Variants in RAB5C observed in about 807,000 individuals in gnomAD.
RAB5C encodes the protein ras-related protein Rab-5C.
In RAB5C, 4 loss-of-function variants were observed where a neutral mutation model predicts 25.2. The observed-to-expected ratio is 0.16, with a 90% CI of 0.08 to 0.36. The LOEUF (loss-of-function observed/expected upper bound fraction) is 0.36, where lower values mean the gene tolerates loss of function less well. RAB5C is among the 10% of genes least tolerant of loss of function. The pLI is 1.00. For missense variants in RAB5C, 199 were observed against 283.8 expected (o/e 0.70, Z 2.15); for synonymous variants, 100 against 106.4 (o/e 0.94, Z 0.37).
Position 42,130,573 on chromosome 17 carries a change from G to C in RAB5C, c.-71C>G, listed in dbSNP as rs767789812. 5.0e-6 allele frequency: 8 copies of C among 1,588,784 alleles called. No individual in the cohort carries two copies. The highest frequency in any genetic ancestry group is 3.4e-5 in the Admixed American group (2 of 58,808). The stretch of plus-strand genomic sequence containing the variant: ...GGTGCTATGCAAAGAGGCACTTAGT[G>C]GGGAGGGGGACCTCCAACTGTAAGG... On this transcript the variant is annotated 5_prime_UTR_variant, in exon 2 of 6. Transcript: ENST00000346213.
chr17:42,147,140 AAGAAAG>A (rs1166001950), intron 1 of RAB5C, among the ~76,000 whole-genome samples: 5,326 of 148,916 alleles, frequency 0.036, 347 homozygotes, highest in African/African-American at 0.13. Flanking sequence ...GAAAGAAAGA[AAGAAAG>A]AGAGAGAGAG....
intron 1 of RAB5C, among the ~76,000 whole-genome samples, chr17:42,146,630 T>C (rs2079636592): frequency 6.6e-6 from 1 of 152,124 alleles, no homozygotes; most frequent in Admixed American, 6.5e-5. Flanking sequence ...ACGCCTGTAG[T>C]CCCAGCTACT....
chr17:42,138,571 T>A (rs12603330), intron 1 of RAB5C, among the ~76,000 whole-genome samples: 54,033 of 152,110 alleles, frequency 0.36, 12,947 homozygotes, highest in African/African-American at 0.69. Context: ...TGGGTCCCCT[T>A]CCACAGGGAA....
chr17:42,152,571 G>C (rs1248245945), intron 1 of RAB5C, among the ~76,000 whole-genome samples: 1 of 152,066 alleles, frequency 6.6e-6, no homozygotes, highest in African/African-American at 2.4e-5. Context: ...CTGAGGTCAG[G>C]AGTTCGAGAC....
intron 1 of RAB5C, among the ~76,000 whole-genome samples, chr17:42,131,104 G>A (rs1351051621): frequency 6.6e-6 from 1 of 152,166 alleles, no homozygotes; most frequent in Admixed American, 6.5e-5. Context: ...CTCAGAGAAG[G>A]TGCTTGGCCA....
rs780114908 is a variant in RAB5C at position 42,128,370 on chromosome 17, C to T, written c.332G>A (p.Arg111Gln). The change falls in exon 4 of 6, where the codon CGG becomes CAG. Residue 111 changes from arginine to glutamine, a missense_variant. Around this residue, in one of 3 missense-constraint regions of RAB5C, gnomAD observed 154 missense variants for 199.6 expected, o/e 0.77. Coordinates refer to ENST00000346213, the MANE Select transcript of RAB5C (RefSeq NM_004583.4). Reference protein sequence around the residue: ...YDITNTDTFARAKNWVKELQR... With the variant: ...YDITNTDTFAQAKNWVKELQR... ...TAGCTCCTTCACCCAGTTCTTGGCCCGTGCAAATGTATCCTGAGGAGACAG... is the reference window on the plus strand; with the variant it reads ...TAGCTCCTTCACCCAGTTCTTGGCCTGTGCAAATGTATCCTGAGGAGACAG... 3.7e-6 allele frequency: 6 copies of T among 1,613,530 alleles called. No individual in the cohort carries two copies. The Admixed American group carries it at 5.0e-5, about 13-fold the overall frequency.
Position 42,125,684 on chromosome 17 carries a change from C to T in RAB5C, c.*99G>A, listed in dbSNP as rs782227417. The T allele has an allele frequency of 6.5e-4, 512 of 790,866 alleles. No individual in the cohort carries two copies. The highest frequency in any genetic ancestry group is 9.7e-4 in the Non-Finnish European group (475 of 488,124). 49.0% of individuals were successfully genotyped at this position (790,866 alleles called of 1,614,324 possible). On this transcript the variant is annotated 3_prime_UTR_variant, in exon 6 of 6. Transcript: ENST00000346213. Reference sequence around the variant, plus strand: ...ATGGTGGACCCCTCCCCCTGCCCCCCCAGTGGTGGCCCGAGTCGTTAAGTG... The same window carrying T: ...ATGGTGGACCCCTCCCCCTGCCCCCTCAGTGGTGGCCCGAGTCGTTAAGTG...
chr17:42,139,183 TGGCCAGTGTGGTC>T (rs541108032), intron 1 of RAB5C, among the ~76,000 whole-genome samples: 237 of 152,312 alleles, frequency 1.6e-3, no homozygotes, highest in Non-Finnish European at 2.8e-3. Context: ...TAGCACAGCT[TGGCCAGTGTGGTC>T]GGCCAGTGCT....
At chr17:42,134,980 GTTTTTTT>G (rs528680102) in intron 1 of RAB5C, among the ~76,000 whole-genome samples, 1 of 134,936 alleles carries the variant, frequency 7.4e-6, no homozygotes, top group East Asian at 2.1e-4. Context: ...TTTTTCTTAA[GTTTTTTT>G]TTTTTTTTTT....
intron 1 of RAB5C, among the ~76,000 whole-genome samples, chr17:42,149,519 C>T (rs1205475596): frequency 2.0e-5 from 3 of 152,068 alleles, no homozygotes; most frequent in African/African-American, 4.8e-5. Context: ...AAGATCAAGG[C>T]GGAAGTAAGC....
Position 42,147,545 on chromosome 17 carries a change from C to T in RAB5C, c.-89+7348G>A, listed in dbSNP as rs543072613. Among the ~76,000 whole-genome samples the T allele has an allele frequency of 1.1e-4, 16 of 152,340 alleles. 1 individual carries two copies. In the South Asian group the frequency reaches 3.3e-3, roughly 32 times the overall value. On this transcript the variant is annotated intron_variant, in intron 1 of 5. Transcript: ENST00000346213. ...CTAGTCAGGGCCGCGCCCTCATTGT[C>T]CCATTAAACCCTTCACCAGAAATGG...
intron 5 of RAB5C, 31 bp from the exon 6 acceptor site, chr17:42,125,929 G>T (rs1200466830): frequency 2.6e-6 from 4 of 1,519,632 alleles, no homozygotes; most frequent in Middle Eastern, 1.7e-4. Context: ...TGCATTTGTT[G>T]GGGGTACCCC....
intron 1 of RAB5C, among the ~76,000 whole-genome samples, chr17:42,134,279 T>C (rs1217782806): frequency 6.6e-6 from 1 of 152,176 alleles, no homozygotes; most frequent in Admixed American, 6.5e-5. Context: ...TGGCAATCTT[T>C]CTTTTTGAAC....
At chr17:42,144,903 G>A (rs1039209379) in intron 1 of RAB5C, among the ~76,000 whole-genome samples, 4 of 103,024 alleles carry the variant, frequency 3.9e-5, no homozygotes, top group African/African-American at 1.5e-4. Context: ...TCCAGCCTGG[G>A]CGACAGAGCC....
chr17:42,144,000 G>C (rs1029692687), intron 1 of RAB5C, among the ~76,000 whole-genome samples: 4 of 151,962 alleles, frequency 2.6e-5, no homozygotes, highest in African/African-American at 9.7e-5. Context: ...TGGCTAGGCT[G>C]GTCTCAAACT....
intron 1 of RAB5C, among the ~76,000 whole-genome samples, chr17:42,153,792 T>C (rs1292654171): frequency 6.6e-6 from 1 of 152,166 alleles, no homozygotes; most frequent in East Asian, 1.9e-4. Context: ...GATCAGTCAA[T>C]ATGGTTGAGG....
chr17:42,140,568 G>A (rs543132146), intron 1 of RAB5C, among the ~76,000 whole-genome samples: 16 of 134,596 alleles, frequency 1.2e-4, no homozygotes, highest in African/African-American at 4.0e-4. Context: ...CTGTCGCCCA[G>A]GCTGGAGTGC....
chr17:42,132,507 T>C (rs1191500293), intron 1 of RAB5C, among the ~76,000 whole-genome samples: 1 of 152,174 alleles, frequency 6.6e-6, no homozygotes. Context: ...CCTATGTGCA[T>C]ACTAGGAACT....
chr17:42,143,648 G>A (rs1014480718), intron 1 of RAB5C, among the ~76,000 whole-genome samples: 12 of 151,712 alleles, frequency 7.9e-5, no homozygotes, highest in Admixed American at 7.9e-4. Context: ...AAATCTGGCA[G>A]TGCCAAAATG....
Sources: gnomAD v4.1 joint callset for allele counts (sites outside exome capture counted in the v4.1 genomes callset) on GRCh38, gnomAD v4.1.1 for gene constraint, gnomAD v4.1.1 regional missense constraint, MANE v1.5 for transcripts, NCBI Gene and HGNC (gene_info 2026-07-23, HGNC 2026-07-21) for gene names.